The following CLMP variants were observed in gnomAD, a reference collection of about 807,000 sequenced individuals.
CLMP encodes CXADR-like membrane protein.
CLMP carries 27 observed loss-of-function variants against 45.2 expected under a neutral mutation model. The observed-to-expected ratio is 0.60, with a 90% confidence interval of 0.44 to 0.82. CLMP has a LOEUF of 0.82. Among genes scored for constraint, CLMP ranks in the 40% least tolerant of loss-of-function variants. The pLI, the probability that CLMP is intolerant of heterozygous loss-of-function variation, is 0.00. For synonymous variants in CLMP, 167 were observed against 171.4 expected (o/e 0.97, Z 0.20); for missense variants, 403 against 448.4 (o/e 0.90, Z 0.91).
intron 1 of CLMP, among the ~76,000 whole-genome samples, chr11:123,131,555 G>T (rs575023357): frequency 2.6e-5 from 4 of 152,012 alleles, no homozygotes; most frequent in South Asian, 4.2e-4. Context: ...TACTTGAGTG[G>T]GTTTGGGTCA....
At chr11:123,079,138 C>G (rs1425377285) in intron 5 of CLMP, among the ~76,000 whole-genome samples, 2 of 152,122 alleles carry the variant, frequency 1.3e-5, no homozygotes, top group African/African-American at 4.8e-5. Flanking sequence ...GAAAATCTAT[C>G]AAGTTGTACA....
intron 1 of CLMP, chr11:123,135,868 C>G: frequency 2.2e-6 from 1 of 462,160 alleles, no homozygotes; most frequent in Admixed American, 2.5e-5. Context: ...CCCCTTATTG[C>G]TGCCACTTTT....
intron 1 of CLMP, among the ~76,000 whole-genome samples, chr11:123,117,276 A>G (rs919954394): frequency 2.6e-5 from 4 of 152,218 alleles, no homozygotes; most frequent in African/African-American, 4.8e-5. Context: ...AATCCTACAA[A>G]GCAAAATTTT....
In CLMP at chr11:123,074,859, C is replaced by G. The variant is rs58383961; in HGVS notation, c.680-16G>C. 5.6e-3 allele frequency: 9,001 copies of G among 1,610,330 alleles called. 441 individuals are homozygous for G. In the African/African-American group the frequency reaches 0.1, roughly 19 times the overall value. On this transcript the variant is annotated splice_polypyrimidine_tract_variant and intron_variant, in intron 5 of 6. Coordinates refer to ENST00000448775, the MANE Select transcript of CLMP (RefSeq NM_024769.5). ...CTTTGTACATCTATTTTCTCAGAAG[C>G]AAAAGCACAAGTAAAACCAAACGTA...
chr11:123,078,853 C>T (rs1369432923), intron 5 of CLMP, among the ~76,000 whole-genome samples: 1 of 152,114 alleles, frequency 6.6e-6, no homozygotes, highest in Non-Finnish European at 1.5e-5. Context: ...ACCATGTTAG[C>T]CAGGATGGTC....
Position 123,150,516 on chromosome 11 carries a change from G to GC in CLMP, c.28+44396_28+44397insG, listed in dbSNP as rs1336899735. Reference sequence around the variant, plus strand: ...GGAAGGAAGGAAGGAAGGAAGGAAGGAAGGAAGGAAGGAAAGAAACAAGCA... The same window carrying GC: ...GGAAGGAAGGAAGGAAGGAAGGAAGGCAAGGAAGGAAGGAAAGAAACAAGCA... On this transcript the variant is annotated intron_variant, in intron 1 of 6. Transcript: ENST00000448775. 5.3e-4 allele frequency among the ~76,000 whole-genome samples: 68 copies of GC among 129,402 alleles called. No homozygotes were observed. The South Asian group carries it at 6.3e-3, about 12-fold the overall frequency. The allele number at this position is 129,402 out of a possible 152,430, so 84.9% of individuals were successfully genotyped here. A position where few individuals can be genotyped will look rare whatever the true frequency, so the allele number is the denominator to read the frequency against.
At chr11:123,099,088 T>A (rs1348387937) in intron 1 of CLMP, among the ~76,000 whole-genome samples, 1 of 152,144 alleles carries the variant, frequency 6.6e-6, no homozygotes, top group Non-Finnish European at 1.5e-5. Context: ...AACCTTGGCC[T>A]CACAAAGTGC....
Position 123,069,985 on chromosome 11 carries a change from C to T in CLMP, c.*3489G>A, listed in dbSNP as rs1467343581. The stretch of plus-strand genomic sequence containing the variant: ...TTACAAGGCAACTTAGAAGTTAAAA[C>T]TGAAACTGAAATATAAACAGCTTAA... On this transcript the variant is annotated 3_prime_UTR_variant, in exon 7 of 7. Transcript: ENST00000448775. 2 of 152,198 alleles carry T rather than the reference C, an allele frequency of 1.3e-5. No homozygotes were observed. The highest frequency in any genetic ancestry group is 4.8e-5 in the African/African-American group (2 of 41,452). 9.4% of individuals were successfully genotyped at this position (152,198 alleles called of 1,614,324 possible). A position where few individuals can be genotyped will look rare whatever the true frequency, so the allele number is the denominator to read the frequency against.
intron 1 of CLMP, among the ~76,000 whole-genome samples, chr11:123,146,290 T>G (rs11219021): frequency 0.4 from 61,122 of 151,996 alleles, 13,023 homozygotes; most frequent in African/African-American, 0.54. Context: ...CCCAGCATTT[T>G]GGGAGTATAT....
intron 1 of CLMP, among the ~76,000 whole-genome samples, chr11:123,180,840 A>G (rs1861759176): frequency 6.6e-6 from 1 of 152,166 alleles, no homozygotes; most frequent in Non-Finnish European, 1.5e-5. Flanking sequence ...TGAGACAGAA[A>G]CCACTTTGGC....
chr11:123,137,238 C>A (rs1428226965), intron 1 of CLMP, among the ~76,000 whole-genome samples: 2 of 146,662 alleles, frequency 1.4e-5, no homozygotes, highest in African/African-American at 5.0e-5. Flanking sequence ...ACTGCAAGCT[C>A]CGCCTCCCGG....
At chr11:123,171,043 C>A (rs1286118083) in intron 1 of CLMP, among the ~76,000 whole-genome samples, 1 of 152,116 alleles carries the variant, frequency 6.6e-6, no homozygotes. Flanking sequence ...CTCTGGGGAC[C>A]ACAGCAAAAA....
intron 1 of CLMP, among the ~76,000 whole-genome samples, chr11:123,182,334 G>T (rs1861780342): frequency 1.3e-5 from 2 of 152,192 alleles, no homozygotes; most frequent in Admixed American, 1.3e-4. Flanking sequence ...ATCCGAGCGA[G>T]GTCATCACCA....
intron 1 of CLMP, among the ~76,000 whole-genome samples, chr11:123,185,671 C>T (rs543800835): frequency 1.3e-5 from 2 of 152,240 alleles, no homozygotes; most frequent in East Asian, 1.9e-4. Context: ...ACCAGGCCTC[C>T]GCTGAAAACC....
chr11:123,118,691 A>C (rs935967689), intron 1 of CLMP, among the ~76,000 whole-genome samples: 11 of 152,134 alleles, frequency 7.2e-5, no homozygotes, highest in African/African-American at 2.4e-4. Context: ...TCCGACACCC[A>C]GTTTATATCC....
intron 1 of CLMP, among the ~76,000 whole-genome samples, chr11:123,113,886 G>A (rs772267560): frequency 1.3e-5 from 2 of 148,790 alleles, no homozygotes; most frequent in African/African-American, 2.5e-5. Flanking sequence ...TTCCATGCAT[G>A]TATTCATGTT....
chr11:123,183,903 T>C (rs1045566503), intron 1 of CLMP, among the ~76,000 whole-genome samples: 36 of 152,124 alleles, frequency 2.4e-4, no homozygotes, highest in Admixed American at 7.8e-4. Flanking sequence ...GGATGAGTAA[T>C]GATTCAGGAG....
At chr11:123,097,691 G>A in intron 2 of CLMP, 104 bp downstream of exon 2, 1 of 871,440 alleles carries the variant, frequency 1.1e-6, no homozygotes, top group Non-Finnish European at 1.7e-6. Flanking sequence ...GATGAAAAAG[G>A]AACTCCAGCT....
In CLMP at chr11:123,104,705, C is replaced by T. The variant is rs551153126; in HGVS notation, c.29-6753G>A. 6.6e-5 allele frequency among the ~76,000 whole-genome samples: 10 copies of T among 152,222 alleles called. 1 individual carries two copies. In the South Asian group the frequency reaches 1.2e-3, roughly 19 times the overall value. ...CCGGCCTCTGTCTTTAACTCCAAGG[C>T]TTAGCAGTGCTCATGGGGGCTGCTG... is the stretch of plus-strand genomic sequence containing the variant. On this transcript the variant is annotated intron_variant, in intron 1 of 6. Transcript: ENST00000448775.
Sources: gnomAD v4.1 joint callset for allele counts (sites outside exome capture counted in the v4.1 genomes callset) on GRCh38, gnomAD v4.1.1 for gene constraint, MANE v1.5 for transcripts, NCBI Gene and HGNC (gene_info 2026-07-23, HGNC 2026-07-21) for gene names.